RAB39A: variants seen among roughly 807,000 people sequenced by gnomAD.
The protein encoded by RAB39A is ras-related protein Rab-39A.
In RAB39A, 17 loss-of-function variants were observed where a neutral mutation model predicts 20.9. That is an observed-to-expected ratio of 0.81 (90% CI 0.56 to 1.22). RAB39A has a LOEUF of 1.22. Among genes scored for constraint, RAB39A ranks in the 50% most tolerant of loss-of-function variants. The pLI, the probability that RAB39A is intolerant of heterozygous loss-of-function variation, is 0.00. For synonymous variants in RAB39A, 99 were observed against 103.4 expected (o/e 0.96, Z 0.26); for missense variants, 234 against 270.5 (o/e 0.87, Z 0.95).
chr11:107,952,409 C>T (rs1056431916), intron 1 of RAB39A, among the ~76,000 whole-genome samples: 3 of 152,006 alleles, frequency 2.0e-5, no homozygotes, highest in Non-Finnish European at 2.9e-5. Context: ...TGTGAAACTC[C>T]GTCTCTACAA....
intron 1 of RAB39A, among the ~76,000 whole-genome samples, chr11:107,939,450 C>CA (rs56700827): frequency 0.085 from 9,732 of 114,070 alleles, 341 homozygotes; most frequent in African/African-American, 0.12. Context: ...ACTAAAAATA[C>CA]AAAAAAAAAA....
Position 107,933,375 on chromosome 11 carries a change from TTC to T in RAB39A, c.227+4582_227+4583del, listed in dbSNP as rs1422022406. On this transcript the variant is annotated intron_variant, in intron 1 of 1. Transcript: ENST00000320578. ...TATTTCTTTCCTTCTTTTTTATTCT[TTC>T]TTTTTTTTTTTTTTTTTTTTTGAGT... 3.6e-3 allele frequency among the ~76,000 whole-genome samples: 313 copies of T among 87,038 alleles called. 5 individuals carry two copies. Among genetic ancestry groups the T allele is most frequent in the African/African-American group, 0.012 (294 of 24,388 alleles). The allele number at this position is 87,038 out of a possible 152,430, so 57.1% of individuals were successfully genotyped here.
chr11:107,961,500 G>C (rs772223190), intron 1 of RAB39A, among the ~76,000 whole-genome samples: 1 of 152,096 alleles, frequency 6.6e-6, no homozygotes, highest in African/African-American at 2.4e-5. Flanking sequence ...CCATACTACA[G>C]CCCTTGTTTC....
rs963047975 is a variant in RAB39A, at chr11:107,928,673, G to A, written c.105G>A (p.Gly35=). The A allele has an allele frequency of 6.2e-6, 10 of 1,612,234 alleles. No individual in the cohort carries two copies. The highest frequency in any genetic ancestry group is 8.5e-6 in the Non-Finnish European group (10 of 1,179,096). ...GCTTCACCCAGGGCCGCTTCCCCGG[G>A]CTGCGCTCCCCCGCCTGCGACCCCA... is the stretch of plus-strand genomic sequence containing the variant. ...LHRFTQGRFP[G]LRSPACDPTV... The change falls in exon 1 of 2, where the codon GGG becomes GGA. Residue 35 remains glycine, a synonymous_variant. Coordinates refer to ENST00000320578, the MANE Select transcript of RAB39A (RefSeq NM_017516.3). This position sits in a 1 kb window ranked among gnomAD's most constrained non-coding sequence, Gnocchi z 4.9.
chr11:107,930,094 T>A (rs1168391378), intron 1 of RAB39A, among the ~76,000 whole-genome samples: 3 of 152,214 alleles, frequency 2.0e-5, no homozygotes, highest in African/African-American at 7.2e-5. Context: ...ATAGAGATAA[T>A]GAGTGAACTG....
chr11:107,948,488 C>G (rs1266221679), intron 1 of RAB39A, among the ~76,000 whole-genome samples: 1 of 151,986 alleles, frequency 6.6e-6, no homozygotes, highest in East Asian at 1.9e-4. Flanking sequence ...CACCCCGCAC[C>G]CCTCCCCCGA....
chr11:107,948,239 G>A (rs79590713), intron 1 of RAB39A, among the ~76,000 whole-genome samples: 4,641 of 152,266 alleles, frequency 0.03, 95 homozygotes, highest in Non-Finnish European at 0.049. Context: ...AAGGCAACTG[G>A]CAGAGAGTTT....
intron 1 of RAB39A, among the ~76,000 whole-genome samples, chr11:107,951,817 C>G (rs1048092397): frequency 1.3e-5 from 2 of 151,950 alleles, no homozygotes; most frequent in African/African-American, 4.8e-5. Flanking sequence ...ATTCCAGGGC[C>G]TATGGAGTTT....
intron 1 of RAB39A, among the ~76,000 whole-genome samples, chr11:107,932,346 T>TC (rs1861146167): frequency 6.6e-6 from 1 of 152,222 alleles, no homozygotes; most frequent in South Asian, 2.1e-4. Context: ...AAAGTTTATT[T>TC]CTCTCTTGTG....
intron 1 of RAB39A, among the ~76,000 whole-genome samples, chr11:107,952,024 A>G (rs1861385854): frequency 6.6e-6 from 1 of 152,150 alleles, no homozygotes; most frequent in South Asian, 2.1e-4. Context: ...ATGTATGCAA[A>G]CTCCAGTGCT....
At position 107,941,078 on chromosome 11, in the gene RAB39A, C is replaced by T. The variant is rs191149899; in HGVS notation, c.227+12283C>T. On this transcript the variant is annotated intron_variant, in intron 1 of 1. Transcript: ENST00000320578. Reference sequence around the variant, plus strand: ...GAAGACATTATGAAGAAAGATTATACGTTCTCAAATTATAGGCATTGCGTA... The same window carrying T: ...GAAGACATTATGAAGAAAGATTATATGTTCTCAAATTATAGGCATTGCGTA... Among the ~76,000 whole-genome samples the T allele has an allele frequency of 4.6e-5, 7 of 152,152 alleles. No homozygotes were observed. In the South Asian group the frequency reaches 8.3e-4, roughly 18 times the overall value.
chr11:107,928,858 C>G lies in RAB39A; in HGVS notation c.227+63C>G. ...CTCAGCCCGCCCGGACGCCCCTTCC[C>G]CAGGCGTCCGCCCCGCCGGCCCTGG... On this transcript the variant is annotated intron_variant, in intron 1 of 1. Coordinates refer to ENST00000320578, the MANE Select transcript of RAB39A (RefSeq NM_017516.3). This position sits in a 1 kb window ranked among gnomAD's most constrained non-coding sequence, Gnocchi z 4.9. 7.4e-7 allele frequency: 1 copy of G among 1,343,302 alleles called. No homozygotes were observed. Among genetic ancestry groups the G allele is most frequent in the Non-Finnish European group, 1.0e-6 (1 of 998,436 alleles). 83.2% of individuals were successfully genotyped at this position (1,343,302 alleles called of 1,614,324 possible).
intron 1 of RAB39A, among the ~76,000 whole-genome samples, chr11:107,934,426 C>G (rs1209440691): frequency 1.3e-5 from 2 of 151,930 alleles, no homozygotes; most frequent in African/African-American, 4.8e-5. Flanking sequence ...AGAGCTAGAC[C>G]CTGTCTCTAA....
chr11:107,933,615 G>GCCCGCCTCGGCC (rs1022453146), intron 1 of RAB39A, among the ~76,000 whole-genome samples: 2 of 150,126 alleles, frequency 1.3e-5, no homozygotes, highest in African/African-American at 4.9e-5. Flanking sequence ...CAAGTGATCT[G>GCCCGCCTCGGCC]CCCGCCTCGG....
chr11:107,932,068 G>T (rs1591239819), intron 1 of RAB39A, among the ~76,000 whole-genome samples: 1 of 151,890 alleles, frequency 6.6e-6, no homozygotes, highest in East Asian at 1.9e-4. Context: ...TGGCCATGTT[G>T]CCCAGGTTGG....
intron 1 of RAB39A, among the ~76,000 whole-genome samples, chr11:107,933,370 AT>A (rs1861158966): frequency 2.3e-5 from 1 of 43,678 alleles, no homozygotes; most frequent in South Asian, 6.6e-4. Context: ...CTTCTTTTTT[AT>A]TCTTTCTTTT....
In RAB39A at chr11:107,936,808, C is replaced by G. The variant is rs113348857; in HGVS notation, c.227+8013C>G. On this transcript the variant is annotated intron_variant, in intron 1 of 1. Coordinates refer to ENST00000320578, the MANE Select transcript of RAB39A (RefSeq NM_017516.3). ...GTGCATGGTGGTGCACACCTATAAT[C>G]CCAGCTACTTGGGAGGCTGAGGCAG... 6.5e-3 allele frequency among the ~76,000 whole-genome samples: 988 copies of G among 152,132 alleles called. 11 individuals carry two copies. Among genetic ancestry groups the G allele is most frequent in the African/African-American group, 0.023 (942 of 41,518 alleles).
chr11:107,962,460 A>C lies in RAB39A; in HGVS notation c.*88A>C. 1 of 1,267,318 alleles carries C rather than the reference A, an allele frequency of 7.9e-7. No individual in the cohort carries two copies. The highest frequency in any genetic ancestry group is 1.1e-6 in the Non-Finnish European group (1 of 925,124). The allele number at this position is 1,267,318 out of a possible 1,614,324, so 78.5% of individuals were successfully genotyped here. ...ATTAACAGCAGAATGATGCAATGAA[A>C]GAATTTAAAAAGGTTACAAACCCAC... is the stretch of plus-strand genomic sequence containing the variant. On this transcript the variant is annotated 3_prime_UTR_variant, in exon 2 of 2. Transcript: ENST00000320578.
chr11:107,950,159 G>T (rs1565465323), intron 1 of RAB39A, among the ~76,000 whole-genome samples: 1 of 151,340 alleles, frequency 6.6e-6, no homozygotes, highest in Non-Finnish European at 1.5e-5. Context: ...CACCCTGGGT[G>T]GCAGAGTGAG....
Sources: gnomAD v4.1 joint callset for allele counts (sites outside exome capture counted in the v4.1 genomes callset) on GRCh38, gnomAD v4.1.1 for gene constraint, Gnocchi (gnomAD v3.1) non-coding constraint, MANE v1.5 for transcripts, NCBI Gene and HGNC (gene_info 2026-07-23, HGNC 2026-07-21) for gene names.